Variants in RIBC2 observed in about 807,000 individuals in gnomAD.
RIBC2 encodes RIB43A domain with coiled-coils 2.
Under a neutral mutation model 44.3 loss-of-function variants are expected in RIBC2, and 40 were observed. That is an observed-to-expected ratio of 0.90 (90% CI 0.70 to 1.18). The LOEUF (loss-of-function observed/expected upper bound fraction) is 1.18, where lower values mean the gene tolerates loss of function less well. Ranked by LOEUF, RIBC2 falls within the 50% of genes most tolerant of loss-of-function variation. The pLI is 0.00. For synonymous variants in RIBC2, 171 were observed against 175.0 expected (o/e 0.98, Z 0.18); for missense variants, 459 against 485.5 (o/e 0.95, Z 0.51).
At chr22:45,419,695 C>T (rs372091842) in intron 3 of RIBC2, among the ~76,000 whole-genome samples, 26 of 150,436 alleles carry the variant, frequency 1.7e-4, no homozygotes, top group Admixed American at 4.6e-4. Context: ...ATTGTGCCAC[C>T]GCCCTCCAGC....
rs1555938347 is a variant in RIBC2, at chr22:45,421,550, A to ATAATAGTATTAT, written c.557-735_557-734insGTATTATTAATA. Among the ~76,000 whole-genome samples, 23 of 31,242 alleles carry ATAATAGTATTAT rather than the reference A, an allele frequency of 7.4e-4. 1 individual carries two copies. The highest frequency in any genetic ancestry group is 1.1e-3 in the Non-Finnish European group (23 of 21,326). 20.5% of individuals were successfully genotyped at this position (31,242 alleles called of 152,430 possible). ...AATAGTATTATTAATAATATTAATA[A>ATAATAGTATTAT]TAATAATAGTATTATTAATAATAGT... On this transcript the variant is annotated intron_variant, in intron 3 of 6. Transcript: ENST00000614167.
At chr22:45,415,967 T>C (rs2087421292) in intron 2 of RIBC2, among the ~76,000 whole-genome samples, 1 of 152,218 alleles carries the variant, frequency 6.6e-6, no homozygotes, top group Non-Finnish European at 1.5e-5. Context: ...CCCAAAGTGT[T>C]GGGATTACAG....
chr22:45,421,525 A>G (rs1224922723), intron 3 of RIBC2, among the ~76,000 whole-genome samples: 6 of 65,354 alleles, frequency 9.2e-5, no homozygotes, highest in African/African-American at 5.9e-4. Context: ...TAATAATAAT[A>G]ATAGTATTAT....
intron 3 of RIBC2, among the ~76,000 whole-genome samples, chr22:45,418,788 A>G (rs1218620738): frequency 1.3e-5 from 2 of 150,614 alleles, no homozygotes; most frequent in Non-Finnish European, 3.0e-5. Flanking sequence ...TCCCCAGTCT[A>G]CTCTCCATGA....
In RIBC2 at chr22:45,417,914, G is replaced by A; in HGVS notation, c.524G>A (p.Trp175Ter). Residue 175 changes from tryptophan to a stop codon, truncating the protein, a stop_gained, in exon 3 of 7, where the codon TGG becomes TAG. Transcript: ENST00000614167. LOFTEE classifies it high-confidence loss of function. ...TGGTCTTTGCAGCAGCAAAGGGAAT[G>A]GAAGAACGCCCGTGCTGAACAAAAA... ...REWSLQQQRE[W>*]KNARAEQKCA... 1 of 1,611,750 alleles carries A rather than the reference G, an allele frequency of 6.2e-7. No homozygotes were observed. Among genetic ancestry groups the A allele is most frequent in the East Asian group, 2.2e-5 (1 of 44,810 alleles).
intron 2 of RIBC2, among the ~76,000 whole-genome samples, chr22:45,415,887 A>G (rs2087420469): frequency 6.6e-6 from 1 of 152,030 alleles, no homozygotes; most frequent in Non-Finnish European, 1.5e-5. Context: ...TTTAGTAGAG[A>G]CGAGGTTTCA....
Position 45,417,674 on chromosome 22 carries a change from T to C in RIBC2, c.284T>C (p.Leu95Pro), listed in dbSNP as rs1383581343. Residue 95 changes from leucine (L) to proline (P), a missense_variant, in exon 3 of 7, where the codon CTC becomes CCC. Transcript: ENST00000614167. ...CGGAAAAAGAGGGATAGGAAAAATC[T>C]CTGTAGGGCTATCAATGACTTCCAA... ...ENRKKRDRKN[L>P]CRAINDFQQS... 1 of 1,614,132 alleles carries C rather than the reference T, an allele frequency of 6.2e-7. No homozygotes were observed.
At chr22:45,415,609 A>G (rs201096582) in intron 2 of RIBC2, among the ~76,000 whole-genome samples, 24 of 48,460 alleles carry the variant, frequency 5.0e-4, no homozygotes, top group Non-Finnish European at 6.2e-4. Flanking sequence ...ATGTGTATAT[A>G]TATATATATA....
At chr22:45,427,661 G>GTC (rs1213063151) in intron 5 of RIBC2, among the ~76,000 whole-genome samples, 3 of 152,226 alleles carry the variant, frequency 2.0e-5, no homozygotes, top group Non-Finnish European at 4.4e-5. Flanking sequence ...TTTTGAGACA[G>GTC]TCTCACTCTA....
intron 5 of RIBC2, among the ~76,000 whole-genome samples, chr22:45,426,549 CTA>C (rs1237484910): frequency 6.6e-6 from 1 of 152,210 alleles, no homozygotes; most frequent in African/African-American, 2.4e-5. Context: ...AGCCTGGTGA[CTA>C]GAGTGGAGTG....
intron 4 of RIBC2, among the ~76,000 whole-genome samples, chr22:45,423,696 A>G (rs78010116): frequency 3.9e-5 from 6 of 152,260 alleles, no homozygotes; most frequent in East Asian, 1.9e-4. Flanking sequence ...AGGAGAGCCA[A>G]CTGCGGGGGC....
intron 3 of RIBC2, among the ~76,000 whole-genome samples, chr22:45,421,289 A>C (rs9306477): frequency 6.7e-6 from 1 of 148,868 alleles, no homozygotes; most frequent in African/African-American, 2.5e-5. Flanking sequence ...GCGAGACTCC[A>C]TGTCAAATAA....
At chr22:45,423,171 CAG>C (rs1438965012) in intron 4 of RIBC2, among the ~76,000 whole-genome samples, 1 of 151,988 alleles carries the variant, frequency 6.6e-6, no homozygotes, top group African/African-American at 2.4e-5. Context: ...TTTGTAGACA[CAG>C]GGTTTTGCCA....
chr22:45,414,377 C>T lies in RIBC2; in HGVS notation c.185C>T (p.Thr62Ile). 5.2e-6 allele frequency: 8 copies of T among 1,550,936 alleles called. No homozygotes were observed. Among genetic ancestry groups the T allele is most frequent in the Non-Finnish European group, 7.0e-6 (8 of 1,146,638 alleles). Residue 62 changes from threonine (T) to isoleucine (I), a missense_variant, in exon 2 of 7, where the codon ACT becomes ATT. Coordinates refer to ENST00000614167, the MANE Select transcript of RIBC2 (RefSeq NM_015653.5). ...QVHDQKIKEA[T>I]EKARHETFAA... Reference sequence around the variant, plus strand: ...CATGACCAGAAGATAAAAGAAGCTACTGAAAAAGCTAGACATGAAACCTTT... The same window carrying T: ...CATGACCAGAAGATAAAAGAAGCTATTGAAAAAGCTAGACATGAAACCTTT...
Position 45,414,049 on chromosome 22 carries a change from G to T in RIBC2, c.129+34G>T, listed in dbSNP as rs775693644. 2.6e-5 allele frequency: 40 copies of T among 1,548,740 alleles called. 1 individual carries two copies. In the South Asian group the frequency reaches 3.5e-4, roughly 13 times the overall value. ...GCAGGGGCCGGGACGGGGTTAGAGC[G>T]GCAGATGCGGGCGAGGGGCTGCGTG... On this transcript the variant is annotated intron_variant, in intron 1 of 6. Transcript: ENST00000614167.
chr22:45,431,129 A>T lies in RIBC2; in HGVS notation c.1070+63A>T, dbSNP rs539211457. ...GGGTGGAGGGACCGCGGGGCTGTGG[A>T]GGTCAAGGACGAGGAGGGGGCAGGA... On this transcript the variant is annotated intron_variant, in intron 6 of 6. Coordinates refer to ENST00000614167, the MANE Select transcript of RIBC2 (RefSeq NM_015653.5). The T allele has an allele frequency of 9.2e-6, 14 of 1,529,256 alleles. No individual in the cohort carries two copies. In the East Asian group the frequency reaches 3.4e-4, roughly 37 times the overall value. 94.7% of individuals were successfully genotyped at this position (1,529,256 alleles called of 1,614,324 possible). A position where few individuals can be genotyped will look rare whatever the true frequency, so the allele number is the denominator to read the frequency against.
intron 3 of RIBC2, among the ~76,000 whole-genome samples, chr22:45,421,358 T>TA (rs2087476529): frequency 1.4e-5 from 2 of 144,706 alleles, no homozygotes; most frequent in Non-Finnish European, 3.0e-5. Flanking sequence ...AATAATTAAT[T>TA]ATTATTTAAA....
At chr22:45,421,497 TATTA>T in intron 3 of RIBC2, among the ~76,000 whole-genome samples, 1 of 121,692 alleles carries the variant, frequency 8.2e-6, no homozygotes, top group South Asian at 2.7e-4. Context: ...TAATTATTAT[TATTA>T]ATAATAGTAT....
chr22:45,424,121 C>T (rs1602117904), intron 4 of RIBC2, among the ~76,000 whole-genome samples: 1 of 152,310 alleles, frequency 6.6e-6, no homozygotes. Flanking sequence ...CTCAGACCCC[C>T]GGCTCCTCAC....
Sources: gnomAD v4.1 joint callset for allele counts (sites outside exome capture counted in the v4.1 genomes callset) on GRCh38, gnomAD v4.1.1 for gene constraint, MANE v1.5 for transcripts, NCBI Gene and HGNC (gene_info 2026-07-23, HGNC 2026-07-21) for gene names.